The following GREB1 variants were observed in gnomAD, a reference collection of about 807,000 sequenced individuals.
The protein encoded by GREB1 is growth regulating estrogen receptor binding 1, also known as protein GREB1.
GREB1 carries 106 observed loss-of-function variants against 200.7 expected under a neutral mutation model. The ratio of observed to expected loss-of-function variants is 0.53; its 90% confidence interval spans 0.45 to 0.62. The LOEUF is 0.62. Among genes scored for constraint, GREB1 ranks in the 20% least tolerant of loss-of-function variants. The pLI is 0.00. For synonymous variants in GREB1, 1,132 were observed against 1,092.4 expected (o/e 1.04, Z -0.72); for missense variants, 2,243 against 2,556.8 (o/e 0.88, Z 2.65).
chr2:11,511,567 C>G (rs143087471), intron 1 of GREB1, among the ~76,000 whole-genome samples: 1,912 of 152,194 alleles, frequency 0.013, 15 homozygotes, highest in Middle Eastern at 0.024. Context: ...ACTTGGATGT[C>G]TCCAGATGAG....
intron 1 of GREB1, among the ~76,000 whole-genome samples, chr2:11,526,177 C>T (rs1572592533): frequency 6.6e-6 from 1 of 152,172 alleles, no homozygotes; most frequent in Non-Finnish European, 1.5e-5. Context: ...CATTGTCCTT[C>T]GTTCTTCTGC....
chr2:11,484,604 A>G (rs1296271667), intron 1 of GREB1, among the ~76,000 whole-genome samples: 2 of 149,760 alleles, frequency 1.3e-5, no homozygotes, highest in South Asian at 2.1e-4. Context: ...AAAAAAAAAA[A>G]AAAAGAAAGA....
intron 2 of GREB1, among the ~76,000 whole-genome samples, chr2:11,559,995 C>T (rs543874332): frequency 2.8e-4 from 42 of 152,286 alleles, no homozygotes; most frequent in African/African-American, 9.9e-4. Flanking sequence ...GCCTCTTGTC[C>T]CACAAGCCCG....
At position 11,524,049 on chromosome 2, in the gene GREB1, ACT is replaced by A. The variant is rs1382021835; in HGVS notation, c.-158-32406_-158-32405del. On this transcript the variant is annotated intron_variant, in intron 1 of 2. Transcript: ENST00000628795. ...AAGAAATGCACACACGTGCATGCAC[ACT>A]CACACACACACACACACACAGAGTA... is the stretch of plus-strand genomic sequence containing the variant. Among the ~76,000 whole-genome samples the A allele has an allele frequency of 4.4e-5, 6 of 137,716 alleles. No individual in the cohort carries two copies. In the South Asian group the frequency reaches 8.7e-4, roughly 20 times the overall value. The allele number at this position is 137,716 out of a possible 152,430, so 90.3% of individuals were successfully genotyped here.
chr2:11,585,161 G>A lies in GREB1; in HGVS notation c.902G>A (p.Gly301Asp). ...AATCCACACTCTGAATATTGTCTAG[G>A]TATCTTGTCAAACTCCGGGCCCCCC... ...LLALPRPSALGILSNSGPPKK... is the reference protein window; with the variant it reads ...LLALPRPSALDILSNSGPPKK... The change falls in exon 8 of 33, where the codon GGT becomes GAT. Residue 301 changes from glycine (G) to aspartate (D), a missense_variant and splice_region_variant. By Grantham distance (94) the Gly-to-Asp change is moderately conservative. Around this residue, in one of 3 missense-constraint regions of GREB1, gnomAD observed 1,178 missense variants for 1,387.4 expected, o/e 0.85. Coordinates refer to ENST00000381486, the MANE Select transcript of GREB1 (RefSeq NM_014668.4). The A allele has an allele frequency of 3.9e-6, 6 of 1,545,640 alleles. No homozygotes were observed. Among genetic ancestry groups the A allele is most frequent in the Non-Finnish European group, 5.2e-6 (6 of 1,143,390 alleles).
At position 11,602,434 on chromosome 2, in the gene GREB1, A is replaced by G. The variant is rs1681865991; in HGVS notation, c.2558A>G (p.Lys853Arg). 1 of 1,613,398 alleles carries G rather than the reference A, an allele frequency of 6.2e-7. No individual in the cohort carries two copies. Among genetic ancestry groups the G allele is most frequent in the Admixed American group, 1.7e-5 (1 of 60,000 alleles). The change falls in exon 17 of 33, where the codon AAG becomes AGG. Residue 853 changes from lysine (K) to arginine (R), a missense_variant. Lys to Arg is a conservative substitution (Grantham distance 26). Around this residue, in one of 3 missense-constraint regions of GREB1, gnomAD observed 1,178 missense variants for 1,387.4 expected, o/e 0.85. Transcript: ENST00000381486. ...GTGGACTTATATCATGAAAATAAGA[A>G]GTACTTCGGGCTGTCGGAGTTTATT... is the stretch of plus-strand genomic sequence containing the variant. ...NGVDLYHENKKYFGLSEFIES... is the reference protein window; with the variant it reads ...NGVDLYHENKRYFGLSEFIES...
Position 11,536,180 on chromosome 2 carries a change from A to G in GREB1, c.-162+1926A>G, listed in dbSNP as rs143323927. On this transcript the variant is annotated intron_variant, in intron 1 of 32. Coordinates refer to ENST00000381486, the MANE Select transcript of GREB1 (RefSeq NM_014668.4). ...AGTTTCGGGAGGTCAGAACCACCAC[A>G]CAATTGAAGAGATGCTTGAACTGGG... Among the ~76,000 whole-genome samples the G allele has an allele frequency of 5.2e-3, 785 of 152,286 alleles. 20 individuals are homozygous for G. Among genetic ancestry groups the G allele is most frequent in the Admixed American group, 0.035 (538 of 15,298 alleles).
At chr2:11,511,395 G>A (rs1273673297) in intron 1 of GREB1, among the ~76,000 whole-genome samples, 2 of 152,126 alleles carry the variant, frequency 1.3e-5, no homozygotes, top group Non-Finnish European at 2.9e-5. Flanking sequence ...CTCTGAGAGT[G>A]AATGGGGAGT....
chr2:11,622,074 C>T (rs999336937), intron 23 of GREB1, among the ~76,000 whole-genome samples: 3 of 151,570 alleles, frequency 2.0e-5, no homozygotes, highest in African/African-American at 7.3e-5. Context: ...ATGTGACACA[C>T]ACAGAGCACC....
chr2:11,627,068 G>A lies in GREB1; in HGVS notation c.4413G>A (p.Gln1471=). ...AAYNTYHHCE[Q]CHQYMGFHPR... ...ACAACACTTACCACCACTGTGAGCA[G>A]TGCCACCAGTACATGGGCTTCCACC... The change falls in exon 25 of 33, where the codon CAG becomes CAA. Residue 1471 remains glutamine (Q), a synonymous_variant. Coordinates refer to ENST00000381486, the MANE Select transcript of GREB1 (RefSeq NM_014668.4). 1 of 1,612,480 alleles carries A rather than the reference G, an allele frequency of 6.2e-7. No individual in the cohort carries two copies. Among genetic ancestry groups the A allele is most frequent in the Non-Finnish European group, 8.5e-7 (1 of 1,178,984 alleles).
At chr2:11,514,409 T>C (rs575696448) in intron 1 of GREB1, among the ~76,000 whole-genome samples, 36 of 152,338 alleles carry the variant, frequency 2.4e-4, no homozygotes, top group African/African-American at 8.7e-4. Flanking sequence ...TCCTACACCC[T>C]TTTCACTACA....
Position 11,587,694 on chromosome 2 carries a change from A to AC in GREB1, c.1160-1052_1160-1051insC, listed in dbSNP as rs1680274690. 8.2e-4 allele frequency: 580 copies of AC among 707,148 alleles called. 15 individuals carry two copies. The African/African-American group carries it at 0.014, about 17-fold the overall frequency. 43.8% of individuals were successfully genotyped at this position (707,148 alleles called of 1,614,324 possible). On this transcript the variant is annotated intron_variant, in intron 9 of 32. Coordinates refer to ENST00000381486, the MANE Select transcript of GREB1 (RefSeq NM_014668.4). ...AAATGGAGTACCTGGAGTACAAGAT[A>AC]ACACACACACACACACACACACACA...
At chr2:11,520,289 T>C (rs1673657942) in intron 1 of GREB1, among the ~76,000 whole-genome samples, 1 of 152,256 alleles carries the variant, frequency 6.6e-6, no homozygotes, top group Non-Finnish European at 1.5e-5. Flanking sequence ...CAAATTATCA[T>C]AGATCTATTG....
chr2:11,602,056 T>C (rs1681827844), intron 16 of GREB1, among the ~76,000 whole-genome samples: 1 of 152,252 alleles, frequency 6.6e-6, no homozygotes, highest in South Asian at 2.1e-4. Flanking sequence ...GCAAAATAAT[T>C]GATTTGCCCA....
At position 11,577,334 on chromosome 2, in the gene GREB1, A is replaced by G. The variant is rs1035931436; in HGVS notation, c.637+799A>G. On this transcript the variant is annotated intron_variant, in intron 5 of 32. Coordinates refer to ENST00000381486, the MANE Select transcript of GREB1 (RefSeq NM_014668.4). ...CCGAGCACAAAGAAGCCCCCTGCAA[A>G]TGTCACTGGTGCCAAGGCTGAGAAC... 4.6e-5 allele frequency among the ~76,000 whole-genome samples: 7 copies of G among 152,296 alleles called. No homozygotes were observed. The South Asian group carries it at 1.4e-3, about 32-fold the overall frequency.
At position 11,566,721 on chromosome 2, in the gene GREB1, T is replaced by A. The variant is rs1380381539; in HGVS notation, c.454+65T>A. 1.7e-5 allele frequency: 24 copies of A among 1,430,478 alleles called. No individual in the cohort carries two copies. In the East Asian group the frequency reaches 5.7e-4, roughly 34 times the overall value. 88.6% of individuals were successfully genotyped at this position (1,430,478 alleles called of 1,614,324 possible). Reference sequence around the variant, plus strand: ...TGGGGTAGAGCAGGGTCAAGGGAGGTCACGGCGGGGGGTGGTGGCAACAGA... The same window carrying A: ...TGGGGTAGAGCAGGGTCAAGGGAGGACACGGCGGGGGGTGGTGGCAACAGA... On this transcript the variant is annotated intron_variant, in intron 4 of 32. Transcript: ENST00000381486.
rs192244242 is a variant in GREB1 at position 11,638,576 on chromosome 2, A to G, written c.5548-95A>G. ...CCCCCCAAAAATCTTGAGCTGGACC[A>G]AGCAGTTGGTATTTACTAGGTGCAA... On this transcript the variant is annotated intron_variant, in intron 31 of 32. Coordinates refer to ENST00000381486, the MANE Select transcript of GREB1 (RefSeq NM_014668.4). 5.5e-5 allele frequency: 58 copies of G among 1,062,054 alleles called. No homozygotes were observed. The African/African-American group carries it at 7.8e-4, about 14-fold the overall frequency. 65.8% of individuals were successfully genotyped at this position (1,062,054 alleles called of 1,614,324 possible). A position where few individuals can be genotyped will look rare whatever the true frequency, so the allele number is the denominator to read the frequency against.
In GREB1 at chr2:11,640,533, G is replaced by A. The variant is rs953575877; in HGVS notation, c.*79G>A. On this transcript the variant is annotated 3_prime_UTR_variant, in exon 33 of 33. Transcript: ENST00000381486. This position sits in a 1 kb window ranked among gnomAD's most constrained non-coding sequence, Gnocchi z 4.6. Reference sequence around the variant, plus strand: ...TTGAGGCTAAAGGGAGGCCTGGAACGGTGGGGCGTTTGACTGGAATGGACC... The same window carrying A: ...TTGAGGCTAAAGGGAGGCCTGGAACAGTGGGGCGTTTGACTGGAATGGACC... 7.9e-6 allele frequency: 12 copies of A among 1,524,666 alleles called. No individual in the cohort carries two copies. Among genetic ancestry groups the A allele is most frequent in the African/African-American group, 4.1e-5 (3 of 72,724 alleles). 94.4% of individuals were successfully genotyped at this position (1,524,666 alleles called of 1,614,324 possible). A position where few individuals can be genotyped will look rare whatever the true frequency, so the allele number is the denominator to read the frequency against.
At chr2:11,604,083 A>G (rs553503327) in intron 17 of GREB1, among the ~76,000 whole-genome samples, 4 of 152,216 alleles carry the variant, frequency 2.6e-5, no homozygotes, top group East Asian at 1.9e-4. Flanking sequence ...CACCATGCCA[A>G]TACATCTTGG....
Sources: allele counts gnomAD v4.1 joint callset (sites outside exome capture counted in the v4.1 genomes callset), GRCh38; gene constraint gnomAD v4.1.1; regional missense constraint gnomAD v4.1.1; non-coding constraint Gnocchi (gnomAD v3.1); transcripts MANE v1.5; gene names NCBI Gene and HGNC (gene_info 2026-07-23, HGNC 2026-07-21).